Variants in SLC14A2 observed in about 807,000 individuals in gnomAD.
SLC14A2 encodes solute carrier family 14 member 2, also known as urea transporter 2.
SLC14A2 carries 91 observed loss-of-function variants against 104.6 expected under a neutral mutation model. The observed-to-expected ratio is 0.87, with a 90% CI of 0.73 to 1.04. SLC14A2 has a LOEUF of 1.04. Ranked by LOEUF, SLC14A2 falls within the 50% of genes least tolerant of loss-of-function variation. SLC14A2 has a pLI of 0.00. For missense variants in SLC14A2, 1,189 were observed against 1,156.0 expected, an observed-to-expected ratio of 1.03 and a Z score of -0.41; for synonymous variants, 476 against 466.4, an observed-to-expected ratio of 1.02 and a Z score of -0.27.
intron 18 of SLC14A2, among the ~76,000 whole-genome samples, chr18:45,675,709 A>ATTTT (rs71177687): frequency 7.7e-5 from 6 of 78,396 alleles, no homozygotes; most frequent in African/African-American, 2.5e-4. Flanking sequence ...ATATATATAT[A>ATTTT]TTTTTTTTTT....
intron 1 of SLC14A2, among the ~76,000 whole-genome samples, chr18:45,288,682 C>G (rs2144160466): frequency 6.6e-6 from 1 of 152,338 alleles, no homozygotes; most frequent in Non-Finnish European, 1.5e-5. Context: ...CCTTCCTCAT[C>G]CCAATTCTGA....
chr18:45,604,480 G>A (rs1018802730), intron 2 of SLC14A2, among the ~76,000 whole-genome samples: 8 of 152,038 alleles, frequency 5.3e-5, no homozygotes, highest in African/African-American at 1.2e-4. Flanking sequence ...AAAATATAGC[G>A]CAGAGAAACA....
At chr18:45,387,171 A>G (rs2085906471) in intron 1 of SLC14A2, among the ~76,000 whole-genome samples, 1 of 152,222 alleles carries the variant, frequency 6.6e-6, no homozygotes, top group Admixed American at 6.5e-5. Context: ...CAACTTCTGT[A>G]TGTTACAACC....
At chr18:45,670,057 G>A (rs888445228) in intron 16 of SLC14A2, among the ~76,000 whole-genome samples, 2 of 152,198 alleles carry the variant, frequency 1.3e-5, no homozygotes, top group African/African-American at 4.8e-5. Flanking sequence ...GAGCCCAGGA[G>A]TTTGAGGCTG....
the SLC14A2 span, among the ~76,000 whole-genome samples, chr18:45,169,834 C>T: frequency 2.0e-5 from 3 of 152,162 alleles, no homozygotes; most frequent in Non-Finnish European, 4.4e-5. Context: ...TTTCCACTTG[C>T]ACCATCAGGC....
At chr18:45,586,941 T>A (rs1373702956) in intron 2 of SLC14A2, among the ~76,000 whole-genome samples, 1 of 151,980 alleles carries the variant, frequency 6.6e-6, no homozygotes, top group Non-Finnish European at 1.5e-5. Flanking sequence ...TATGCAGGAG[T>A]AAGAATAACT....
At chr18:45,381,359 G>A (rs969023543) in intron 1 of SLC14A2, among the ~76,000 whole-genome samples, 1 of 152,140 alleles carries the variant, frequency 6.6e-6, no homozygotes, top group Non-Finnish European at 1.5e-5. Flanking sequence ...ACATATCTTT[G>A]ACCAAACCTC....
chr18:45,318,036 C>T (rs2085147234), intron 1 of SLC14A2, among the ~76,000 whole-genome samples: 1 of 152,158 alleles, frequency 6.6e-6, no homozygotes, highest in Non-Finnish European at 1.5e-5. Context: ...CCAGCCTCAG[C>T]GGGAGCTAGG....
At chr18:45,556,125 T>C (rs935097856) in intron 2 of SLC14A2, among the ~76,000 whole-genome samples, 2 of 152,202 alleles carry the variant, frequency 1.3e-5, no homozygotes, top group Admixed American at 6.5e-5. Flanking sequence ...TACATGCTCA[T>C]GTGGTGAAAG....
At chr18:45,555,812 G>C (rs1443806513) in intron 2 of SLC14A2, among the ~76,000 whole-genome samples, 1 of 152,148 alleles carries the variant, frequency 6.6e-6, no homozygotes, top group Non-Finnish European at 1.5e-5. Flanking sequence ...GAAACAGCAA[G>C]GAAAAATTAC....
At chr18:45,675,593 C>A (rs933100894) in intron 18 of SLC14A2, among the ~76,000 whole-genome samples, 1 of 151,156 alleles carries the variant, frequency 6.6e-6, no homozygotes, top group African/African-American at 2.4e-5. Context: ...CGGCTCACTG[C>A]AGCCTCAACT....
intron 2 of SLC14A2, among the ~76,000 whole-genome samples, chr18:45,523,306 C>T (rs8094590): frequency 0.27 from 40,772 of 151,634 alleles, 6,061 homozygotes; most frequent in African/African-American, 0.39. Flanking sequence ...ATCTATACTC[C>T]CATCACCAGG....
intron 1 of SLC14A2, among the ~76,000 whole-genome samples, chr18:45,257,285 T>G (rs1388120495): frequency 6.6e-6 from 1 of 152,246 alleles, no homozygotes; most frequent in Non-Finnish European, 1.5e-5. Flanking sequence ...CCAGGGATGA[T>G]GGACACTGAG....
chr18:45,168,396 A>G, the SLC14A2 span, among the ~76,000 whole-genome samples: 2 of 152,150 alleles, frequency 1.3e-5, no homozygotes, highest in South Asian at 4.1e-4. Context: ...TGAACCTCAT[A>G]CTCATTTTTA....
chr18:45,622,484 G>C (rs558657160), intron 1 of SLC14A2, among the ~76,000 whole-genome samples: 3 of 152,254 alleles, frequency 2.0e-5, no homozygotes, highest in South Asian at 2.1e-4. Context: ...AACTAAATCT[G>C]TTAATCCACT....
intron 1 of SLC14A2, among the ~76,000 whole-genome samples, chr18:45,415,741 T>C (rs546999223): frequency 1.4e-3 from 219 of 152,128 alleles, no homozygotes; most frequent in African/African-American, 4.8e-3. Context: ...TGGGGCTGAG[T>C]GGAGCTGAAA....
chr18:45,297,588 T>G (rs1471049584), intron 1 of SLC14A2, among the ~76,000 whole-genome samples: 1 of 152,226 alleles, frequency 6.6e-6, no homozygotes, highest in East Asian at 1.9e-4. Context: ...TTCCTGGGTC[T>G]CAATTGCTTA....
chr18:45,317,301 GC>G (rs1271997001), intron 1 of SLC14A2, among the ~76,000 whole-genome samples: 1 of 152,206 alleles, frequency 6.6e-6, no homozygotes, highest in Non-Finnish European at 1.5e-5. Context: ...CATGACATCA[GC>G]CCATAGTCAC....
intron 1 of SLC14A2, among the ~76,000 whole-genome samples, chr18:45,384,590 G>T (rs1029056019): frequency 3.3e-5 from 5 of 152,168 alleles, no homozygotes; most frequent in Admixed American, 6.5e-5. Flanking sequence ...GTTAGGCACT[G>T]CTGCCCTCTG....
Sources: gnomAD v4.1 joint callset for allele counts (sites outside exome capture counted in the v4.1 genomes callset) on GRCh38, gnomAD v4.1.1 for gene constraint, MANE v1.5 for transcripts, NCBI Gene and HGNC (gene_info 2026-07-23, HGNC 2026-07-21) for gene names.